KCNMB3: variants seen among roughly 807,000 people sequenced by gnomAD.
KCNMB3 encodes potassium calcium-activated channel subfamily M regulatory beta subunit 3, also known as calcium-activated potassium channel subunit beta-3.
A neutral mutation model predicts 11.9 loss-of-function variants in KCNMB3; 18 were observed. The ratio of observed to expected loss-of-function variants is 1.51; its 90% CI spans 1.04 to 2.23. KCNMB3 has a LOEUF of 2.23. Among genes scored for constraint, KCNMB3 ranks in the 30% most tolerant of loss-of-function variants. KCNMB3 has a pLI of 0.00. For missense variants in KCNMB3, 247 were observed against 329.4 expected (o/e 0.75, Z 1.94); for synonymous variants, 78 against 119.2 (o/e 0.65, Z 2.25).
At chr3:179,260,267 C>T in intron 1 of KCNMB3, 7 of 1,614,022 alleles carry the variant, frequency 4.3e-6, no homozygotes, top group Non-Finnish European at 5.1e-6. Flanking sequence ...CACCCATGAC[C>T]TCATTTGACT....
chr3:179,261,220 T>G (rs1039253957), intron 1 of KCNMB3: 36 of 1,362,666 alleles, frequency 2.6e-5, no homozygotes, highest in Admixed American at 8.6e-5. Flanking sequence ...GCCTCTGCGC[T>G]TCCGCGCTCA....
At chr3:179,261,391 C>T (rs1054234064) in intron 1 of KCNMB3, 1 of 1,087,048 alleles carries the variant, frequency 9.2e-7, no homozygotes, top group Admixed American at 5.2e-5. Flanking sequence ...AGCCACTCGC[C>T]GCGAAGTGAA....
intron 1 of KCNMB3, among the ~76,000 whole-genome samples, chr3:179,261,520 G>C (rs1221027885): frequency 6.6e-6 from 1 of 152,022 alleles, no homozygotes; most frequent in Non-Finnish European, 1.5e-5. Flanking sequence ...GCCGGGGGTG[G>C]AATGGCGCGG....
At chr3:179,251,644 A>G (rs949258483), upstream of KCNMB3, 8 of 1,248,070 alleles carry the variant, frequency 6.4e-6, no homozygotes, top group Non-Finnish European at 7.0e-6. Flanking sequence ...AGAGTCCAAC[A>G]CAAAGGTCGC....
chr3:179,240,535 A>C (rs1316822545), downstream of KCNMB3: 1 of 152,480 alleles, frequency 6.6e-6, no homozygotes, highest in Non-Finnish European at 1.5e-5. Flanking sequence ...GCAAAAGGTA[A>C]GTGTGGGCTT....
intron 1 of KCNMB3, among the ~76,000 whole-genome samples, chr3:179,261,470 C>G (rs1453880345): frequency 6.6e-6 from 1 of 151,844 alleles, no homozygotes; most frequent in Non-Finnish European, 1.5e-5. Flanking sequence ...TCGGGCGCAG[C>G]CGGCAGGGGC....
chr3:179,244,490 A>T lies in KCNMB3; in HGVS notation c.447+5T>A. On this transcript the variant is annotated splice_donor_5th_base_variant and intron_variant, in intron 2 of 2. Transcript: ENST00000392685. ...GTCATAAGAACTCTTTAAACTTTACAATACCTTGGGATTTATCTGGACAGC... is the reference window on the plus strand; with the variant it reads ...GTCATAAGAACTCTTTAAACTTTACTATACCTTGGGATTTATCTGGACAGC... The T allele has an allele frequency of 6.2e-7, 1 of 1,613,054 alleles. No homozygotes were observed. Among genetic ancestry groups the T allele is most frequent in the African/African-American group, 1.3e-5 (1 of 75,018 alleles).
At chr3:179,251,781 C>A (rs1035518679), upstream of KCNMB3, 2 of 245,344 alleles carry the variant, frequency 8.2e-6, no homozygotes, top group African/African-American at 4.6e-5. Context: ...AGGCTGGGTA[C>A]GATCTCAGTT....
chr3:179,259,393 G>C, intron 1 of KCNMB3: 2 of 1,586,046 alleles, frequency 1.3e-6, no homozygotes, highest in Non-Finnish European at 1.7e-6. Context: ...CCTGATGATT[G>C]AACTGTGACA....
At chr3:179,253,250 C>G (rs753459086), upstream of KCNMB3, among the ~76,000 whole-genome samples, 2 of 152,058 alleles carry the variant, frequency 1.3e-5, no homozygotes, top group African/African-American at 2.4e-5. Flanking sequence ...AATGAGGTCG[C>G]TCTTCTAATG....
chr3:179,259,099 C>T (rs1431687235), intron 1 of KCNMB3: 1 of 1,593,972 alleles, frequency 6.3e-7, no homozygotes, highest in African/African-American at 1.3e-5. Flanking sequence ...GGATTGAAGT[C>T]CCCCGGCTCT....
At chr3:179,261,106 T>C in intron 1 of KCNMB3, 2 of 1,215,232 alleles carry the variant, frequency 1.6e-6, no homozygotes, top group Non-Finnish European at 1.2e-6. Context: ...AATATTTTTC[T>C]GGTCTCTCTT....
rs192640475 is a variant in KCNMB3, at chr3:179,263,862, G to A, written c.62+2787C>T. Among the ~76,000 whole-genome samples the A allele has an allele frequency of 2.2e-3, 261 of 120,058 alleles. 1 individual carries two copies. Among genetic ancestry groups the A allele is most frequent in the African/African-American group, 7.8e-3 (245 of 31,432 alleles). The allele number at this position is 120,058 out of a possible 152,430, so 78.8% of individuals were successfully genotyped here. On this transcript the variant is annotated intron_variant, in intron 1 of 3. Transcript: ENST00000349697. The stretch of plus-strand genomic sequence containing the variant: ...ACTCTGTCATCCAGGCTGCAGTGCA[G>A]TGGCATGATCTCAGCTCACTACAAC...
At chr3:179,266,531 T>C in intron 1 of KCNMB3, 1 of 1,177,400 alleles carries the variant, frequency 8.5e-7, no homozygotes, top group African/African-American at 1.5e-5. Context: ...GCATGGCAAG[T>C]GGGCATCCTC....
intron 2 of KCNMB3, among the ~76,000 whole-genome samples, chr3:179,243,622 A>C (rs1036656200): frequency 6.6e-6 from 1 of 152,204 alleles, no homozygotes; most frequent in Non-Finnish European, 1.5e-5. Context: ...TTGAACAAAA[A>C]TGTATTGGGC....
chr3:179,261,312 T>C (rs1726200579), intron 1 of KCNMB3: 2 of 1,230,524 alleles, frequency 1.6e-6, no homozygotes, highest in African/African-American at 1.6e-5. Context: ...CGGGAAACGC[T>C]CGGGGACCGT....
chr3:179,266,154 A>G (rs1387379366), intron 1 of KCNMB3, among the ~76,000 whole-genome samples: 4 of 152,186 alleles, frequency 2.6e-5, no homozygotes, highest in Non-Finnish European at 4.4e-5. Context: ...TTGCCCAGTC[A>G]TATGGCTGAT....
At position 179,244,745 on chromosome 3, in the gene KCNMB3, T is replaced by C. The variant is rs753402239; in HGVS notation, c.249-52A>G. ...CTTCACTTATTAGAAAATTTCATTC[T>C]ACATTTTGGTGTGGTTATGAGCTTA... On this transcript the variant is annotated intron_variant, in intron 1 of 2. Coordinates refer to ENST00000392685, the MANE Select transcript of KCNMB3 (RefSeq NM_171830.2). The C allele has an allele frequency of 1.7e-5, 25 of 1,511,330 alleles. No homozygotes were observed. The East Asian group carries it at 5.5e-4, about 33-fold the overall frequency. 93.6% of individuals were successfully genotyped at this position (1,511,330 alleles called of 1,614,324 possible). A position where few individuals can be genotyped will look rare whatever the true frequency, so the allele number is the denominator to read the frequency against.
At position 179,261,029 on chromosome 3, in the gene KCNMB3, G is replaced by T. The variant is rs181058035; in HGVS notation, c.62+5620C>A. On this transcript the variant is annotated intron_variant, in intron 1 of 3. Coordinates refer to the KCNMB3 transcript ENST00000349697. ...GTCTCCGCTGCCTCTCTGAGAGGAA[G>T]TCCCACCCAGAAAGGCCAGCGTGGC... is the stretch of plus-strand genomic sequence containing the variant. 142 of 982,338 alleles carry T rather than the reference G, an allele frequency of 1.4e-4. No individual in the cohort carries two copies. The East Asian group carries it at 3.3e-3, about 23-fold the overall frequency. The allele number at this position is 982,338 out of a possible 1,614,324, so 60.9% of individuals were successfully genotyped here. A position where few individuals can be genotyped will look rare whatever the true frequency, so the allele number is the denominator to read the frequency against.
Sources: allele counts gnomAD v4.1 joint callset (sites outside exome capture counted in the v4.1 genomes callset), GRCh38; gene constraint gnomAD v4.1.1; transcripts MANE v1.5; gene names NCBI Gene and HGNC (gene_info 2026-07-23, HGNC 2026-07-21).